Variants in RBFOX1 observed in about 807,000 individuals in gnomAD.
The protein encoded by RBFOX1 is RNA binding protein fox-1 homolog 1.
In RBFOX1, 8 loss-of-function variants were observed where a neutral mutation model predicts 57.7. The observed-to-expected ratio is 0.14, with a 90% CI of 0.08 to 0.25. The LOEUF (loss-of-function observed/expected upper bound fraction) is 0.25, where lower values mean the gene tolerates loss of function less well. RBFOX1 is among the 10% of genes least tolerant of loss of function. The pLI is 1.00. For synonymous variants in RBFOX1, 326 were observed against 222.4 expected (o/e 1.47, Z -4.15); for missense variants, 611 against 548.5 (o/e 1.11, Z -1.14).
chr16:6,056,565 C>A (rs2095617082), intron 1 of RBFOX1, among the ~76,000 whole-genome samples: 1 of 152,110 alleles, frequency 6.6e-6, no homozygotes, highest in Admixed American at 6.6e-5. Context: ...GGCCTCATTC[C>A]TTTTTTATTT....
chr16:6,916,672 C>A (rs927109624), intron 3 of RBFOX1, among the ~76,000 whole-genome samples: 1 of 152,100 alleles, frequency 6.6e-6, no homozygotes, highest in Non-Finnish European at 1.5e-5. Flanking sequence ...CCCAGGTCGT[C>A]CTTTTACCTC....
At chr16:5,650,285 C>T (rs1406508932) in intron 3 of RBFOX1, among the ~76,000 whole-genome samples, 1 of 152,074 alleles carries the variant, frequency 6.6e-6, no homozygotes, top group Non-Finnish European at 1.5e-5. Flanking sequence ...CCTTTCTGGG[C>T]TCTCAGCCAC....
At chr16:6,912,895 C>T (rs897429610) in intron 3 of RBFOX1, among the ~76,000 whole-genome samples, 1 of 152,130 alleles carries the variant, frequency 6.6e-6, no homozygotes, top group Non-Finnish European at 1.5e-5. Context: ...GCTGGGATTA[C>T]AGGCATGAGC....
intron 3 of RBFOX1, among the ~76,000 whole-genome samples, chr16:6,979,822 G>C (rs373839644): frequency 7.2e-5 from 11 of 152,144 alleles, no homozygotes; most frequent in Non-Finnish European, 1.2e-4. Flanking sequence ...AGAAATGCCA[G>C]ATGCACTCAG....
chr16:6,935,615 C>A (rs1305402998), intron 3 of RBFOX1, among the ~76,000 whole-genome samples: 3 of 152,196 alleles, frequency 2.0e-5, no homozygotes, highest in African/African-American at 7.2e-5. Flanking sequence ...TGCATGTACA[C>A]ACAAGCACAC....
intron 3 of RBFOX1, among the ~76,000 whole-genome samples, chr16:5,675,757 C>T (rs1410141000): frequency 6.6e-6 from 1 of 152,104 alleles, no homozygotes; most frequent in Non-Finnish European, 1.5e-5. Context: ...ATCCACTCTC[C>T]TTGTGGATGG....
rs529948878 is a variant in RBFOX1, at chr16:6,768,061, T to C, written c.-16+113411T>C. Among the ~76,000 whole-genome samples, 3 of 151,764 alleles carry C rather than the reference T, an allele frequency of 2.0e-5. No homozygotes were observed. In the South Asian group the frequency reaches 6.2e-4, roughly 32 times the overall value. On this transcript the variant is annotated intron_variant, in intron 3 of 15. Coordinates refer to ENST00000550418, the MANE Select transcript of RBFOX1 (RefSeq NM_018723.4). ...ACATTGTGAAGGAGCTAGTGAATTT[T>C]CTCCCTTAGTTATTTAGCTGGAAAT...
chr16:6,658,804 G>C (rs954376053), intron 3 of RBFOX1, among the ~76,000 whole-genome samples: 1 of 152,052 alleles, frequency 6.6e-6, no homozygotes, highest in Non-Finnish European at 1.5e-5. Context: ...TACCTGCTTG[G>C]ATGGTTCCTG....
chr16:5,767,017 G>A (rs1036885470), intron 3 of RBFOX1, among the ~76,000 whole-genome samples: 1 of 152,194 alleles, frequency 6.6e-6, no homozygotes, highest in Admixed American at 6.5e-5. Context: ...GCTTCTGGGT[G>A]TTGTGGTTTT....
intron 2 of RBFOX1, among the ~76,000 whole-genome samples, chr16:5,569,998 G>A (rs1486745089): frequency 1.3e-5 from 2 of 152,216 alleles, no homozygotes; most frequent in Non-Finnish European, 2.9e-5. Flanking sequence ...CACATTAGGA[G>A]TGGAGTTTAG....
chr16:7,698,537 A>AT (rs761954273), intron 14 of RBFOX1, among the ~76,000 whole-genome samples: 25 of 152,250 alleles, frequency 1.6e-4, no homozygotes, highest in Non-Finnish European at 2.9e-4. Flanking sequence ...CAACCTACAC[A>AT]TGCTGCCAGC....
chr16:5,550,925 C>G (rs915618820), intron 2 of RBFOX1, among the ~76,000 whole-genome samples: 1 of 152,156 alleles, frequency 6.6e-6, no homozygotes, highest in Non-Finnish European at 1.5e-5. Context: ...CATACAGAGT[C>G]TTGGAAACCA....
chr16:6,457,470 G>A (rs890550278), intron 2 of RBFOX1, among the ~76,000 whole-genome samples: 6 of 141,940 alleles, frequency 4.2e-5, no homozygotes, highest in African/African-American at 1.5e-4. Context: ...GATTTGACAT[G>A]GAGAGAAGTG....
chr16:7,506,110 A>G lies in RBFOX1; in HGVS notation c.28-12037A>G, dbSNP rs151189699. Among the ~76,000 whole-genome samples the G allele has an allele frequency of 3.4e-3, 474 of 138,462 alleles. 3 individuals are homozygous for G. The highest frequency in any genetic ancestry group is 0.012 in the African/African-American group (457 of 37,852). 90.8% of individuals were successfully genotyped at this position (138,462 alleles called of 152,430 possible). A position where few individuals can be genotyped will look rare whatever the true frequency, so the allele number is the denominator to read the frequency against. ...TGAGGCAGGAGAACTGCTTGAACCC[A>G]GGAGGCGGAGTTTGCAGTGAGCAGA... On this transcript the variant is annotated intron_variant, in intron 4 of 15. Coordinates refer to ENST00000550418, the MANE Select transcript of RBFOX1 (RefSeq NM_018723.4).
chr16:6,927,414 C>CAAAAAAAAAAAAAAAAAAAAAAAAA (rs1194663760), intron 3 of RBFOX1, among the ~76,000 whole-genome samples: 5 of 53,144 alleles, frequency 9.4e-5, no homozygotes, highest in African/African-American at 5.4e-4. Context: ...CGCTTTCTCA[C>CAAAAAAAAAAAAAAAAAAAAAAAAA]AAAAAAAAAA....
At chr16:6,620,751 A>T (rs979181210) in intron 2 of RBFOX1, among the ~76,000 whole-genome samples, 1 of 152,200 alleles carries the variant, frequency 6.6e-6, no homozygotes. Flanking sequence ...AGAAACTCTG[A>T]AAGAAATGGA....
chr16:6,643,502 C>G (rs1047572331), intron 2 of RBFOX1, among the ~76,000 whole-genome samples: 1 of 152,156 alleles, frequency 6.6e-6, no homozygotes, highest in Non-Finnish European at 1.5e-5. Flanking sequence ...GAAAGGCAAG[C>G]ATGATTTGAA....
rs552818197 is a variant in RBFOX1 at position 6,189,583 on chromosome 16, CGTT to C, written c.-126-127407_-126-127405del. ...GGGACGTGGCTGTCCCACCTGCTCT[CGTT>C]GTTGGGGGCATTTTAACTCATCACC... On this transcript the variant is annotated intron_variant, in intron 1 of 15. Coordinates refer to ENST00000550418, the MANE Select transcript of RBFOX1 (RefSeq NM_018723.4). Among the ~76,000 whole-genome samples the C allele has an allele frequency of 2.3e-3, 349 of 152,222 alleles. 5 individuals are homozygous for C. The highest frequency in any genetic ancestry group is 7.9e-3 in the African/African-American group (329 of 41,532).
At chr16:5,976,518 T>G (rs2060066168) in intron 4 of RBFOX1, among the ~76,000 whole-genome samples, 1 of 152,152 alleles carries the variant, frequency 6.6e-6, no homozygotes, top group Admixed American at 6.5e-5. Context: ...TCCACTTCCC[T>G]TAGGAATTCT....
Sources: gnomAD v4.1 joint callset for allele counts (sites outside exome capture counted in the v4.1 genomes callset) on GRCh38, gnomAD v4.1.1 for gene constraint, MANE v1.5 for transcripts, NCBI Gene and HGNC (gene_info 2026-07-23, HGNC 2026-07-21) for gene names.